APP: variants seen among roughly 807,000 people sequenced by gnomAD.
APP encodes the protein amyloid-beta precursor protein.
Under a neutral mutation model 101.4 loss-of-function variants are expected in APP, and 31 were observed. The observed-to-expected ratio is 0.31, with a 90% CI of 0.23 to 0.41. The LOEUF (loss-of-function observed/expected upper bound fraction) is 0.41. Among genes scored for constraint, APP ranks in the 10% least tolerant of loss-of-function variants. The pLI, the probability that APP is intolerant of heterozygous loss-of-function variation, is 1.00. For synonymous variants in APP, 366 were observed against 364.4 expected (o/e 1.00, Z -0.05); for missense variants, 839 against 1,003.7 (o/e 0.84, Z 2.22).
In APP at chr21:26,079,971, A is replaced by G. The variant is rs545749240; in HGVS notation, c.355+9972T>C. Among the ~76,000 whole-genome samples, 13 of 152,264 alleles carry G rather than the reference A, an allele frequency of 8.5e-5. 1 individual carries two copies. In the South Asian group the frequency reaches 2.7e-3, roughly 32 times the overall value. ...AAACCCTGTCTCTATTAAAAATACA[A>G]AAATCTGCTAGGTGTGGTGGTGCAC... On this transcript the variant is annotated intron_variant, in intron 3 of 17. Coordinates refer to ENST00000346798, the MANE Select transcript of APP (RefSeq NM_000484.4).
At chr21:25,932,607 T>C (rs1180460265) in intron 13 of APP, among the ~76,000 whole-genome samples, 1 of 152,226 alleles carries the variant, frequency 6.6e-6, no homozygotes, top group Non-Finnish European at 1.5e-5. Flanking sequence ...TGAGTCTTTG[T>C]TGAAAATTTA....
At chr21:25,965,450 C>T (rs540790098) in intron 11 of APP, among the ~76,000 whole-genome samples, 1 of 152,304 alleles carries the variant, frequency 6.6e-6, no homozygotes, top group Non-Finnish European at 1.5e-5. Flanking sequence ...TTAGCCTATT[C>T]AAAGAAAAGT....
intron 15 of APP, 59 bp downstream of exon 15, chr21:25,904,965 A>G: frequency 1.4e-6 from 2 of 1,440,258 alleles, no homozygotes; most frequent in Non-Finnish European, 1.9e-6. Flanking sequence ...AAAGGAGACA[A>G]CGTCTGCTCG....
chr21:26,033,196 G>A (rs2044921210), intron 5 of APP, among the ~76,000 whole-genome samples: 1 of 152,160 alleles, frequency 6.6e-6, no homozygotes, highest in Admixed American at 6.5e-5. Context: ...CATGTGTCTA[G>A]AGAAAGACCT....
At chr21:25,940,211 A>G (rs1044281555) in intron 13 of APP, among the ~76,000 whole-genome samples, 1 of 152,174 alleles carries the variant, frequency 6.6e-6, no homozygotes, top group African/African-American at 2.4e-5. Flanking sequence ...GTTGCACATC[A>G]TTTACCCTTT....
At chr21:25,900,105 T>TTTATAGGG (rs1372661616) in intron 15 of APP, among the ~76,000 whole-genome samples, 2 of 152,100 alleles carry the variant, frequency 1.3e-5, no homozygotes, top group Non-Finnish European at 2.9e-5. Flanking sequence ...GACACTTATT[T>TTTATAGGG]TTATAGGGTA....
intron 13 of APP, among the ~76,000 whole-genome samples, chr21:25,950,380 TC>T (rs1264716154): frequency 1.7e-4 from 25 of 147,404 alleles, no homozygotes; most frequent in African/African-American, 6.0e-4. Context: ...TTTTTTTTTT[TC>T]TTTTTTTTTT....
chr21:25,950,380 T>C (rs1195111271), intron 13 of APP, among the ~76,000 whole-genome samples: 8 of 147,314 alleles, frequency 5.4e-5, no homozygotes, highest in African/African-American at 1.3e-4. Context: ...TTTTTTTTTT[T>C]CTTTTTTTTT....
chr21:26,081,328 G>A lies in APP; in HGVS notation c.355+8615C>T, dbSNP rs1194865723. On this transcript the variant is annotated intron_variant, in intron 3 of 17. Transcript: ENST00000346798. ...CGAAAAAGAGTCAGGAAAGGGAGAT[G>A]GGGTAGGGCCATTTTGTAAGATTCG... Among the ~76,000 whole-genome samples, 7 of 151,594 alleles carry A rather than the reference G, an allele frequency of 4.6e-5. No homozygotes were observed. The East Asian group carries it at 1.4e-3, about 29-fold the overall frequency.
chr21:26,114,108 A>G (rs2062385276), intron 1 of APP, among the ~76,000 whole-genome samples: 1 of 152,184 alleles, frequency 6.6e-6, no homozygotes, highest in Non-Finnish European at 1.5e-5. Context: ...AGCCTTTACC[A>G]TAGCTGGTAA....
chr21:26,129,608 T>C (rs750251907), intron 1 of APP, among the ~76,000 whole-genome samples: 12 of 152,116 alleles, frequency 7.9e-5, no homozygotes, highest in Non-Finnish European at 4.4e-5. Context: ...GATGCACAAA[T>C]TTTATCACAT....
intron 1 of APP, among the ~76,000 whole-genome samples, chr21:26,149,738 C>T (rs1475304771): frequency 6.6e-6 from 1 of 152,178 alleles, no homozygotes; most frequent in African/African-American, 2.4e-5. Flanking sequence ...TTAAAATGTA[C>T]ATTCTTTTCC....
In APP at chr21:26,146,385, G is replaced by A. The variant is rs546629111; in HGVS notation, c.57+24179C>T. ...AGCCTTTTTAGTCTTTGCCCATCAG[G>A]GTTTTAAAAAACAATGTTATATCAC... On this transcript the variant is annotated intron_variant, in intron 1 of 17. Coordinates refer to ENST00000346798, the MANE Select transcript of APP (RefSeq NM_000484.4). Among the ~76,000 whole-genome samples the A allele has an allele frequency of 3.7e-4, 57 of 152,128 alleles. 1 individual carries two copies. Among genetic ancestry groups the A allele is most frequent in the Non-Finnish European group, 6.9e-4 (47 of 68,002 alleles).
rs1568996746 is a variant in APP at position 25,881,134 on chromosome 21, C to G, written c.*536G>C. 5.5e-6 allele frequency: 1 copy of G among 180,800 alleles called. No individual in the cohort carries two copies. Among genetic ancestry groups the G allele is most frequent in the African/African-American group, 2.4e-5 (1 of 41,822 alleles). 11.2% of individuals were successfully genotyped at this position (180,800 alleles called of 1,614,324 possible). A position where few individuals can be genotyped will look rare whatever the true frequency, so the allele number is the denominator to read the frequency against. ...AATATAGCAGAAGCAGCAATCTGTA[C>G]AGTAAAATGCAGTCATGGAAAAAAA... On this transcript the variant is annotated 3_prime_UTR_variant, in exon 18 of 18. Coordinates refer to ENST00000346798, the MANE Select transcript of APP (RefSeq NM_000484.4).
intron 1 of APP, among the ~76,000 whole-genome samples, chr21:26,124,143 A>C (rs1167080197): frequency 6.6e-6 from 1 of 152,240 alleles, no homozygotes; most frequent in Admixed American, 6.5e-5. Flanking sequence ...ATGAAAAATA[A>C]TAACAGTAAT....
At chr21:26,072,958 A>G (rs1411414299) in intron 3 of APP, among the ~76,000 whole-genome samples, 1 of 152,110 alleles carries the variant, frequency 6.6e-6, no homozygotes, top group Non-Finnish European at 1.5e-5. Context: ...CCATTTTTTG[A>G]TAAGGAACTG....
chr21:25,933,378 T>TAG (rs1865716425), intron 13 of APP, among the ~76,000 whole-genome samples: 1 of 152,230 alleles, frequency 6.6e-6, no homozygotes, highest in African/African-American at 2.4e-5. Flanking sequence ...GCTGGGACTA[T>TAG]AGGTGTAAGC....
intron 5 of APP, among the ~76,000 whole-genome samples, chr21:26,034,887 G>T (rs912320321): frequency 6.6e-6 from 1 of 152,024 alleles, no homozygotes; most frequent in Non-Finnish European, 1.5e-5. Flanking sequence ...TGGGGGGAGA[G>T]AACGACAACG....
At chr21:26,142,742 C>T (rs183849867) in intron 1 of APP, among the ~76,000 whole-genome samples, 70 of 152,004 alleles carry the variant, frequency 4.6e-4, no homozygotes, top group African/African-American at 1.6e-3. Flanking sequence ...GCACTCTAGC[C>T]TTGGCAGCAG....
Sources: allele counts gnomAD v4.1 joint callset (sites outside exome capture counted in the v4.1 genomes callset), GRCh38; gene constraint gnomAD v4.1.1; transcripts MANE v1.5; gene names NCBI Gene and HGNC (gene_info 2026-07-23, HGNC 2026-07-21).